Variants in STPG2 observed in about 807,000 individuals in gnomAD.
STPG2 encodes sperm tail PG-rich repeat containing 2, also known as sperm-tail PG-rich repeat-containing protein 2.
STPG2 carries 56 observed loss-of-function variants against 54.2 expected under a neutral mutation model. That is an observed-to-expected ratio of 1.03 (90% confidence interval 0.83 to 1.29). STPG2 has a LOEUF of 1.29. Among genes scored for constraint, STPG2 ranks in the 50% most tolerant of loss-of-function variants. STPG2 has a pLI of 0.00. For synonymous variants in STPG2, 200 were observed against 181.8 expected, an observed-to-expected ratio of 1.10 and a Z score of -0.81; for missense variants, 596 against 544.9, an observed-to-expected ratio of 1.09 and a Z score of -0.93.
At chr4:98,128,708 G>T in intron 2 of STPG2, 116 bp from the exon 3 acceptor site, 1 of 822,622 alleles carries the variant, frequency 1.2e-6, no homozygotes, top group Non-Finnish European at 1.8e-6. Flanking sequence ...TGAGTTTCAT[G>T]ATATAAAACA....
chr4:97,891,907 C>A (rs1730786254), intron 8 of STPG2, among the ~76,000 whole-genome samples: 1 of 152,044 alleles, frequency 6.6e-6, no homozygotes. Flanking sequence ...ACCATTATGT[C>A]TACCTTTTTC....
rs563205310 is a variant in STPG2, at chr4:97,623,332, T to C, written c.1321-64215A>G. Among the ~76,000 whole-genome samples, 5 of 152,106 alleles carry C rather than the reference T, an allele frequency of 3.3e-5. No individual in the cohort carries two copies. In the East Asian group the frequency reaches 9.7e-4, roughly 29 times the overall value. Reference sequence around the variant, plus strand: ...TATGGACAACATGAAAAAAACAACCTACAGAATGGAAGAATATATCTGCAA... The same window carrying C: ...TATGGACAACATGAAAAAAACAACCCACAGAATGGAAGAATATATCTGCAA... On this transcript the variant is annotated intron_variant, in intron 10 of 10. Transcript: ENST00000295268.
intron 8 of STPG2, among the ~76,000 whole-genome samples, chr4:97,913,849 A>C (rs141941605): frequency 2.4e-3 from 364 of 152,314 alleles, no homozygotes; most frequent in Middle Eastern, 0.02. Context: ...TAATAAGCAA[A>C]TTTAAATGAG....
At chr4:97,525,615 C>T (rs2148849538) in intron 4 of STPG2, among the ~76,000 whole-genome samples, 1 of 152,062 alleles carries the variant, frequency 6.6e-6, no homozygotes, top group Non-Finnish European at 1.5e-5. Flanking sequence ...TCATACTGCT[C>T]AGGAGCCAAA....
chr4:97,640,508 A>C (rs1721731010), intron 10 of STPG2, among the ~76,000 whole-genome samples: 1 of 151,864 alleles, frequency 6.6e-6, no homozygotes, highest in Admixed American at 6.6e-5. Flanking sequence ...AAGGGAGATA[A>C]ATCATATGAT....
At chr4:98,138,484 A>G (rs1278671638) in intron 1 of STPG2, among the ~76,000 whole-genome samples, 1 of 152,124 alleles carries the variant, frequency 6.6e-6, no homozygotes, top group Non-Finnish European at 1.5e-5. Flanking sequence ...ACGCTGAGAA[A>G]GAAGGTGGGC....
At chr4:97,817,805 T>G (rs1727960510) in intron 9 of STPG2, among the ~76,000 whole-genome samples, 1 of 151,966 alleles carries the variant, frequency 6.6e-6, no homozygotes, top group African/African-American at 2.4e-5. Flanking sequence ...TATATTTTCT[T>G]AAAATTTTCT....
Position 98,059,607 on chromosome 4 carries a change from A to G in STPG2, c.612+46346T>C, listed in dbSNP as rs886967489. Among the ~76,000 whole-genome samples, 7 of 151,306 alleles carry G rather than the reference A, an allele frequency of 4.6e-5. No individual in the cohort carries two copies. In the East Asian group the frequency reaches 1.4e-3, roughly 30 times the overall value. On this transcript the variant is annotated intron_variant, in intron 5 of 10. Coordinates refer to ENST00000295268, the MANE Select transcript of STPG2 (RefSeq NM_174952.3). ...TGGAAGAGACACAACAATGAAAGAA[A>G]ATTTCAGGCCAATATCTTTGATGAA...
At chr4:97,954,881 C>A (rs1733613945) in intron 7 of STPG2, among the ~76,000 whole-genome samples, 1 of 151,758 alleles carries the variant, frequency 6.6e-6, no homozygotes, top group African/African-American at 2.4e-5. Flanking sequence ...AGAAAAAAAA[C>A]ATAAAATAAC....
At chr4:97,691,080 G>A (rs577674402) in intron 10 of STPG2, among the ~76,000 whole-genome samples, 48 of 152,314 alleles carry the variant, frequency 3.2e-4, no homozygotes, top group Non-Finnish European at 5.4e-4. Flanking sequence ...TGGATGGACA[G>A]AGCAGCATAT....
At chr4:97,797,585 T>G (rs1727238930) in intron 9 of STPG2, among the ~76,000 whole-genome samples, 1 of 152,226 alleles carries the variant, frequency 6.6e-6, no homozygotes, top group African/African-American at 2.4e-5. Flanking sequence ...CTGGATTTGG[T>G]TAGCCAGTGT....
intron 8 of STPG2, among the ~76,000 whole-genome samples, chr4:97,943,132 C>T (rs898575661): frequency 6.6e-6 from 1 of 152,094 alleles, no homozygotes; most frequent in African/African-American, 2.4e-5. Flanking sequence ...GTAAAAGGGG[C>T]AAACGAGCCT....
At chr4:97,909,116 A>T (rs1024533139) in intron 8 of STPG2, among the ~76,000 whole-genome samples, 1 of 151,428 alleles carries the variant, frequency 6.6e-6, no homozygotes, top group African/African-American at 2.4e-5. Flanking sequence ...AAACAAAAAC[A>T]AAAACAAAAA....
chr4:97,470,711 T>C (rs1006528049), intron 4 of STPG2, among the ~76,000 whole-genome samples: 7 of 152,176 alleles, frequency 4.6e-5, no homozygotes, highest in African/African-American at 7.2e-5. Context: ...TCTCTCAATA[T>C]ATCTTATTGT....
At chr4:97,788,569 C>T (rs1726894921) in intron 9 of STPG2, among the ~76,000 whole-genome samples, 1 of 152,036 alleles carries the variant, frequency 6.6e-6, no homozygotes, top group Non-Finnish European at 1.5e-5. Context: ...ATAATGATTT[C>T]CTTTCTTTTG....
intron 5 of STPG2, among the ~76,000 whole-genome samples, chr4:98,036,955 CA>C (rs1425839597): frequency 6.6e-6 from 1 of 151,832 alleles, no homozygotes; most frequent in African/African-American, 2.4e-5. Flanking sequence ...GAAAATTGAC[CA>C]CTTTATGCAA....
At chr4:97,883,620 C>T (rs1458094359) in intron 8 of STPG2, among the ~76,000 whole-genome samples, 1 of 151,960 alleles carries the variant, frequency 6.6e-6, no homozygotes, top group Non-Finnish European at 1.5e-5. Context: ...ATAAAGAATG[C>T]ACCCTATTAA....
At chr4:97,797,525 C>T (rs184735986) in intron 9 of STPG2, among the ~76,000 whole-genome samples, 13 of 152,246 alleles carry the variant, frequency 8.5e-5, no homozygotes, top group Admixed American at 8.5e-4. Context: ...GACTTGCATC[C>T]CAGGGATGAA....
At chr4:97,984,776 G>T (rs1175730017) in intron 5 of STPG2, among the ~76,000 whole-genome samples, 1 of 125,352 alleles carries the variant, frequency 8.0e-6, no homozygotes. Flanking sequence ...GGACAGAAAA[G>T]TCTCAATTTG....
Sources: allele counts gnomAD v4.1 joint callset (sites outside exome capture counted in the v4.1 genomes callset), GRCh38; gene constraint gnomAD v4.1.1; transcripts MANE v1.5; gene names NCBI Gene and HGNC (gene_info 2026-07-23, HGNC 2026-07-21).